The following LRP1B variants were observed in gnomAD, a reference collection of about 807,000 sequenced individuals.
LRP1B encodes the protein low-density lipoprotein receptor-related protein 1B.
Under a neutral mutation model 556.6 loss-of-function variants are expected in LRP1B, and 217 were observed. The ratio of observed to expected loss-of-function variants is 0.39; its 90% confidence interval spans 0.35 to 0.44. The LOEUF (loss-of-function observed/expected upper bound fraction) is 0.44, where lower values mean the gene tolerates loss of function less well. LRP1B is among the 20% of genes least tolerant of loss of function. The probability of loss-of-function intolerance (pLI) is 1.00; values close to 1 mark genes in which losing one functional copy is unlikely to be tolerated. For missense variants in LRP1B, 5,053 were observed against 5,620.8 expected (o/e 0.90, Z 3.23); for synonymous variants, 2,047 against 1,865.8 (o/e 1.10, Z -2.50).
chr2:141,022,783 A>G (rs1391223560), intron 11 of LRP1B, among the ~76,000 whole-genome samples: 5 of 152,022 alleles, frequency 3.3e-5, no homozygotes, highest in Non-Finnish European at 7.4e-5. Context: ...TGTTTGATAA[A>G]GAAAAACTTG....
chr2:141,176,700 G>T (rs1273638151), intron 7 of LRP1B, among the ~76,000 whole-genome samples: 1 of 151,216 alleles, frequency 6.6e-6, no homozygotes, highest in African/African-American at 2.4e-5. Context: ...AGATGATTTG[G>T]ATTCCTAAGT....
intron 3 of LRP1B, among the ~76,000 whole-genome samples, chr2:141,298,288 T>G (rs1686257732): frequency 6.6e-6 from 1 of 151,994 alleles, no homozygotes; most frequent in Non-Finnish European, 1.5e-5. Flanking sequence ...TTTTGGGAGG[T>G]ACTATATGTC....
intron 23 of LRP1B, among the ~76,000 whole-genome samples, chr2:140,895,834 C>T (rs894464851): frequency 1.3e-5 from 2 of 152,152 alleles, no homozygotes; most frequent in Non-Finnish European, 2.9e-5. Context: ...CAAGCCATCC[C>T]TCTGAAGTCA....
intron 3 of LRP1B, among the ~76,000 whole-genome samples, chr2:141,343,089 T>C (rs1286335276): frequency 6.6e-6 from 1 of 152,192 alleles, no homozygotes; most frequent in Non-Finnish European, 1.5e-5. Flanking sequence ...TAATGATTCA[T>C]ACTTTTTAAG....
chr2:141,030,096 T>A (rs918151001), intron 11 of LRP1B, among the ~76,000 whole-genome samples: 2 of 152,142 alleles, frequency 1.3e-5, no homozygotes, highest in African/African-American at 4.8e-5. Flanking sequence ...AGTTTTCTTA[T>A]CTTGAAATGA....
chr2:140,833,242 T>C (rs1390923206), intron 31 of LRP1B, among the ~76,000 whole-genome samples: 1 of 152,184 alleles, frequency 6.6e-6, no homozygotes, highest in Admixed American at 6.5e-5. Context: ...AAGTACACAA[T>C]AATCACACAA....
chr2:140,810,240 A>C (rs1321247612), intron 32 of LRP1B, among the ~76,000 whole-genome samples: 3 of 152,128 alleles, frequency 2.0e-5, no homozygotes, highest in East Asian at 1.9e-4. Context: ...ACTACTCTTA[A>C]ATTTTTTAGT....
chr2:140,981,822 T>A (rs1284457194), intron 18 of LRP1B, among the ~76,000 whole-genome samples: 2 of 152,186 alleles, frequency 1.3e-5, no homozygotes, highest in African/African-American at 4.8e-5. Flanking sequence ...CATGAACTAT[T>A]CTCTTTGACA....
Position 140,372,880 on chromosome 2 carries a change from G to T in LRP1B, c.10768+128C>A, listed in dbSNP as rs116764648. 1,031 of 950,510 alleles carry T rather than the reference G, an allele frequency of 1.1e-3. 6 individuals are homozygous for T. The African/African-American group carries it at 0.015, about 14-fold the overall frequency. 58.9% of individuals were successfully genotyped at this position (950,510 alleles called of 1,614,324 possible). A position where few individuals can be genotyped will look rare whatever the true frequency, so the allele number is the denominator to read the frequency against. ...CACTAATTAATTTATCCACAGATTT[G>T]CAGACCCTTTCTTAAAAATGGTAAA... On this transcript the variant is annotated intron_variant, in intron 69 of 90. Transcript: ENST00000389484.
At chr2:140,909,598 TA>T (rs1259695948) in intron 21 of LRP1B, among the ~76,000 whole-genome samples, 1 of 151,126 alleles carries the variant, frequency 6.6e-6, no homozygotes, top group African/African-American at 2.4e-5. Flanking sequence ...ACATCATAAA[TA>T]AAACCAATAA....
At chr2:140,789,671 C>T (rs1464520325) in intron 32 of LRP1B, among the ~76,000 whole-genome samples, 1 of 133,598 alleles carries the variant, frequency 7.5e-6, no homozygotes, top group Non-Finnish European at 1.6e-5. Context: ...CGCTCTGTCG[C>T]CCAGGCTGGA....
rs114622220 is a variant in LRP1B at position 140,988,034 on chromosome 2, T to C, written c.2770+1498A>G. Reference sequence around the variant, plus strand: ...TAGAAAGATGTCTCATTATGAATTATAATCATATGGCAAGAGCAACTTGAG... The same window carrying C: ...TAGAAAGATGTCTCATTATGAATTACAATCATATGGCAAGAGCAACTTGAG... On this transcript the variant is annotated intron_variant, in intron 17 of 90. Transcript: ENST00000389484. Among the ~76,000 whole-genome samples the C allele has an allele frequency of 4.8e-3, 736 of 152,208 alleles. 7 individuals are homozygous for C. Among genetic ancestry groups the C allele is most frequent in the African/African-American group, 0.017 (689 of 41,546 alleles).
At chr2:140,398,987 T>C (rs1007568207) in intron 66 of LRP1B, among the ~76,000 whole-genome samples, 5 of 152,102 alleles carry the variant, frequency 3.3e-5, no homozygotes, top group Admixed American at 3.3e-4. Context: ...CATCCAACAT[T>C]CATTGGAAAG....
chr2:140,659,574 CAG>C (rs1244053662), intron 41 of LRP1B, among the ~76,000 whole-genome samples: 2 of 151,938 alleles, frequency 1.3e-5, no homozygotes, highest in East Asian at 3.9e-4. Flanking sequence ...TATTCAAACA[CAG>C]ATATGTGCTA....
At chr2:141,386,160 G>A (rs1339312993) in intron 3 of LRP1B, among the ~76,000 whole-genome samples, 1 of 152,060 alleles carries the variant, frequency 6.6e-6, no homozygotes, top group Non-Finnish European at 1.5e-5. Flanking sequence ...ATGTGTGTAA[G>A]GTGTGTATGA....
rs749514205 is a variant in LRP1B, at chr2:140,413,105, T to G, written c.10415-27096A>C. Among the ~76,000 whole-genome samples the G allele has an allele frequency of 4.9e-4, 74 of 152,216 alleles. 1 individual carries two copies. Among genetic ancestry groups the G allele is most frequent in the Non-Finnish European group, 9.0e-4 (61 of 67,982 alleles). On this transcript the variant is annotated intron_variant, in intron 66 of 90. Transcript: ENST00000389484. ...ATATTATTGGTATAAAGTATAAAAG[T>G]AGTAGATATAATAGTAGTAGACTGG... is the stretch of plus-strand genomic sequence containing the variant.
At chr2:141,084,212 T>C (rs1316826901) in intron 7 of LRP1B, among the ~76,000 whole-genome samples, 1 of 152,174 alleles carries the variant, frequency 6.6e-6, no homozygotes, top group Admixed American at 6.5e-5. Context: ...ACCTGATTCA[T>C]AAATATCACA....
chr2:140,344,576 A>G (rs926799373), intron 77 of LRP1B, among the ~76,000 whole-genome samples: 4 of 151,882 alleles, frequency 2.6e-5, no homozygotes, highest in African/African-American at 4.8e-5. Flanking sequence ...AATGACTCCA[A>G]GATGCTTATT....
In LRP1B at chr2:140,373,067, C is replaced by A; in HGVS notation, c.10709G>T (p.Trp3570Leu). 1 of 1,613,488 alleles carries A rather than the reference C, an allele frequency of 6.2e-7. No individual in the cohort carries two copies. The highest frequency in any genetic ancestry group is 8.5e-7 in the Non-Finnish European group (1 of 1,179,658). Reference protein sequence around the residue: ...CSNGQCIPAKWKCDGHEDCKY... With the variant: ...CSNGQCIPAKLKCDGHEDCKY... ...GCAGTCTTCATGGCCATCACATTTC[C>A]ATTTTGCTGGTATACACTGACCATT... Residue 3570 changes from tryptophan (W) to leucine (L), a missense_variant, in exon 69 of 91, where the codon TGG becomes TTG. Trp to Leu is a moderately conservative substitution (Grantham distance 61). Around this residue, in one of 5 missense-constraint regions of LRP1B, gnomAD observed 599 missense variants for 648.4 expected, o/e 0.92. Transcript: ENST00000389484.
Sources: gnomAD v4.1 joint callset for allele counts (sites outside exome capture counted in the v4.1 genomes callset) on GRCh38, gnomAD v4.1.1 for gene constraint, gnomAD v4.1.1 regional missense constraint, MANE v1.5 for transcripts, NCBI Gene and HGNC (gene_info 2026-07-23, HGNC 2026-07-21) for gene names.